SPAG16: variants seen among roughly 807,000 people sequenced by gnomAD.
SPAG16 encodes the protein sperm-associated antigen 16 protein.
A neutral mutation model predicts 80.4 loss-of-function variants in SPAG16; 86 were observed. That is an observed-to-expected ratio of 1.07 (90% CI 0.90 to 1.28). The LOEUF (loss-of-function observed/expected upper bound fraction) is 1.28, where lower values mean the gene tolerates loss of function less well. SPAG16 is among the 50% of genes most tolerant of loss of function. The pLI is 0.00. For missense variants in SPAG16, 870 were observed against 765.3 expected, an observed-to-expected ratio of 1.14 and a Z score of -1.61; for synonymous variants, 294 against 265.9, an observed-to-expected ratio of 1.11 and a Z score of -1.03.
intron 13 of SPAG16, among the ~76,000 whole-genome samples, chr2:214,030,242 G>A (rs986905750): frequency 4.6e-5 from 7 of 152,194 alleles, no homozygotes; most frequent in South Asian, 2.1e-4. Context: ...CCTTTCTGAG[G>A]TTGGATTATT....
At chr2:213,394,600 C>G (rs1346397794) in intron 9 of SPAG16, among the ~76,000 whole-genome samples, 1 of 152,178 alleles carries the variant, frequency 6.6e-6, no homozygotes, top group Non-Finnish European at 1.5e-5. Flanking sequence ...CCCTTTAGCT[C>G]TGTCCATGCC....
chr2:214,267,153 A>G (rs930471280), intron 15 of SPAG16, among the ~76,000 whole-genome samples: 2 of 151,826 alleles, frequency 1.3e-5, no homozygotes, highest in South Asian at 4.1e-4. Flanking sequence ...AAAAGATAAA[A>G]AGCTAAAAAG....
intron 15 of SPAG16, among the ~76,000 whole-genome samples, chr2:214,341,675 G>C (rs1473509396): frequency 1.3e-5 from 2 of 152,124 alleles, no homozygotes; most frequent in African/African-American, 4.8e-5. Flanking sequence ...GAATTCTGGA[G>C]CCAGCCAACT....
At chr2:213,973,895 C>T (rs532235171) in intron 12 of SPAG16, among the ~76,000 whole-genome samples, 2 of 151,996 alleles carry the variant, frequency 1.3e-5, no homozygotes, top group Non-Finnish European at 2.9e-5. Context: ...TACTGTAGGA[C>T]GTATGCTGGT....
At chr2:213,780,713 C>A (rs1368928582) in intron 10 of SPAG16, among the ~76,000 whole-genome samples, 1 of 151,696 alleles carries the variant, frequency 6.6e-6, no homozygotes, top group Non-Finnish European at 1.5e-5. Context: ...TGTACTATTA[C>A]CTTTGTTTCC....
intron 10 of SPAG16, among the ~76,000 whole-genome samples, chr2:213,733,797 G>T (rs144358295): frequency 2.6e-5 from 4 of 152,076 alleles, no homozygotes; most frequent in African/African-American, 4.8e-5. Context: ...AGTGACTTCA[G>T]TTCTCTGATA....
At chr2:214,233,835 C>G (rs761786223) in intron 15 of SPAG16, among the ~76,000 whole-genome samples, 1 of 152,082 alleles carries the variant, frequency 6.6e-6, no homozygotes, top group Non-Finnish European at 1.5e-5. Context: ...GCACCATCTA[C>G]TTTTACATAT....
At chr2:213,765,869 C>G (rs2068911596) in intron 10 of SPAG16, among the ~76,000 whole-genome samples, 1 of 152,112 alleles carries the variant, frequency 6.6e-6, no homozygotes. Flanking sequence ...ACTTAAGCAG[C>G]TATGTAGATA....
chr2:213,732,338 C>G (rs111738210), intron 10 of SPAG16, among the ~76,000 whole-genome samples: 3,685 of 22,710 alleles, frequency 0.16, 151 homozygotes, highest in Admixed American at 0.18. Context: ...TTGCCCCCCC[C>G]GCAAAAAAAA....
At chr2:214,197,233 T>C (rs1038464230) in intron 15 of SPAG16, among the ~76,000 whole-genome samples, 2 of 152,036 alleles carry the variant, frequency 1.3e-5, no homozygotes, top group Non-Finnish European at 2.9e-5. Flanking sequence ...TTAAACACTG[T>C]TCAGTCATTT....
Position 214,021,679 on chromosome 2 carries a change from T to G in SPAG16, c.1527+7602T>G, listed in dbSNP as rs560358332. 7.2e-5 allele frequency among the ~76,000 whole-genome samples: 11 copies of G among 152,260 alleles called. 1 individual carries two copies. In the South Asian group the frequency reaches 2.3e-3, roughly 32 times the overall value. Reference sequence around the variant, plus strand: ...TATAAATATGCAAAGTGCTTGAAAGTGCAATAATACAATACAAAATTTAAA... The same window carrying G: ...TATAAATATGCAAAGTGCTTGAAAGGGCAATAATACAATACAAAATTTAAA... On this transcript the variant is annotated intron_variant, in intron 13 of 15. Transcript: ENST00000331683.
chr2:213,705,473 A>AGAGG (rs1491286622), intron 10 of SPAG16, among the ~76,000 whole-genome samples: 1 of 83,996 alleles, frequency 1.2e-5, no homozygotes, highest in African/African-American at 3.0e-5. Context: ...GCATCTCTTA[A>AGAGG]GAGGGAGCTG....
chr2:213,308,681 T>A (rs1274812457), intron 3 of SPAG16, among the ~76,000 whole-genome samples: 7 of 152,172 alleles, frequency 4.6e-5, no homozygotes, highest in Non-Finnish European at 7.4e-5. Flanking sequence ...TACAGCTTGC[T>A]ACATTCCAAG....
At chr2:213,456,700 C>G (rs2072037437) in intron 9 of SPAG16, among the ~76,000 whole-genome samples, 2 of 151,906 alleles carry the variant, frequency 1.3e-5, no homozygotes, top group Non-Finnish European at 2.9e-5. Flanking sequence ...AGTCAAGGAT[C>G]TGTTTCTCCA....
chr2:213,871,885 G>C (rs62192581), intron 11 of SPAG16, among the ~76,000 whole-genome samples: 123 of 28,542 alleles, frequency 4.3e-3, no homozygotes, highest in South Asian at 0.02. Context: ...CACACAGAGA[G>C]AGAGAGAGAG....
chr2:213,321,937 T>G (rs1167728358), intron 5 of SPAG16, among the ~76,000 whole-genome samples: 5 of 152,124 alleles, frequency 3.3e-5, no homozygotes. Flanking sequence ...TTATTTTAAA[T>G]GCAAAAGTCT....
At chr2:213,358,706 C>T (rs1453887954) in intron 7 of SPAG16, among the ~76,000 whole-genome samples, 1 of 152,146 alleles carries the variant, frequency 6.6e-6, no homozygotes, top group African/African-American at 2.4e-5. Context: ...TTAGACCACG[C>T]TCCTTTAGCT....
chr2:213,400,437 T>A (rs1424554166), intron 9 of SPAG16, among the ~76,000 whole-genome samples: 1 of 152,202 alleles, frequency 6.6e-6, no homozygotes, highest in Non-Finnish European at 1.5e-5. Flanking sequence ...AATTTACATA[T>A]GCATGGGTTT....
chr2:213,684,497 A>T (rs1465369628), intron 10 of SPAG16, among the ~76,000 whole-genome samples: 1 of 152,220 alleles, frequency 6.6e-6, no homozygotes. Context: ...TAATGTTCAC[A>T]TATTAGAAAA....
Sources: gnomAD v4.1 joint callset for allele counts (sites outside exome capture counted in the v4.1 genomes callset) on GRCh38, gnomAD v4.1.1 for gene constraint, MANE v1.5 for transcripts, NCBI Gene and HGNC (gene_info 2026-07-23, HGNC 2026-07-21) for gene names.